Variants in MFHAS1 observed in about 807,000 individuals in gnomAD.
MFHAS1 encodes multifunctional ROCO family signaling regulator 1.
A neutral mutation model predicts 70.4 loss-of-function variants in MFHAS1; 50 were observed. That is an observed-to-expected ratio of 0.71 (90% confidence interval 0.57 to 0.90). The LOEUF is 0.90. Ranked by LOEUF, MFHAS1 falls within the 40% of genes least tolerant of loss-of-function variation. The pLI is 0.00. For missense variants in MFHAS1, 1,795 were observed against 1,347.6 expected, an observed-to-expected ratio of 1.33 and a Z score of -5.20; for synonymous variants, 952 against 620.0, an observed-to-expected ratio of 1.54 and a Z score of -7.96.
chr8:8,828,179 T>C (rs1170126490), intron 1 of MFHAS1, among the ~76,000 whole-genome samples: 1 of 152,216 alleles, frequency 6.6e-6, no homozygotes, highest in East Asian at 1.9e-4. Flanking sequence ...AGGGAACTCG[T>C]CAATCATTTG....
chr8:8,806,584 T>C (rs2117274481), intron 1 of MFHAS1, among the ~76,000 whole-genome samples: 1 of 152,334 alleles, frequency 6.6e-6, no homozygotes, highest in East Asian at 1.9e-4. Context: ...AGATTAACCC[T>C]GACACTATAC....
intron 1 of MFHAS1, among the ~76,000 whole-genome samples, chr8:8,817,931 C>G (rs1806808468): frequency 6.6e-6 from 1 of 152,280 alleles, no homozygotes; most frequent in Admixed American, 6.5e-5. Flanking sequence ...TCACTCCTGC[C>G]CTGCAGCCCA....
At chr8:8,883,672 C>T (rs1809619834) in intron 1 of MFHAS1, among the ~76,000 whole-genome samples, 1 of 127,742 alleles carries the variant, frequency 7.8e-6, no homozygotes, top group South Asian at 2.6e-4. Context: ...AGCGCCACTA[C>T]ACTCCAGCCT....
intron 1 of MFHAS1, among the ~76,000 whole-genome samples, chr8:8,860,371 G>A (rs1456350331): frequency 6.6e-6 from 1 of 152,134 alleles, no homozygotes; most frequent in Non-Finnish European, 1.5e-5. Context: ...TCAGTCCCCT[G>A]TACTTAATTA....
At chr8:8,885,451 C>A (rs1429530674) in intron 1 of MFHAS1, among the ~76,000 whole-genome samples, 1 of 152,192 alleles carries the variant, frequency 6.6e-6, no homozygotes, top group African/African-American at 2.4e-5. Context: ...GCACTTGAAT[C>A]TTGCTGCAGG....
chr8:8,797,405 C>T lies in MFHAS1; in HGVS notation c.3085G>A (p.Val1029Ile), dbSNP rs1177312788. 1 of 1,614,064 alleles carries T rather than the reference C, an allele frequency of 6.2e-7. No homozygotes were observed. Among genetic ancestry groups the T allele is most frequent in the Non-Finnish European group, 8.5e-7 (1 of 1,179,994 alleles). Residue 1029 changes from valine (V) to isoleucine (I), a missense_variant, in exon 2 of 3, where the codon GTT becomes ATT. Val to Ile is a conservative substitution (Grantham distance 29). Transcript: ENST00000276282. The stretch of plus-strand genomic sequence containing the variant: ...ATCACAGTCGGCGTGGGTGGGTAAA[C>T]CAAGGCAACATTTACTCGCTCGCTG... ...NGSERVNVAL[V>I]YPPTPTVISP...
Position 8,850,888 on chromosome 8 carries a change from C to T in MFHAS1, c.2998+39173G>A, listed in dbSNP as rs1423675946. Among the ~76,000 whole-genome samples the T allele has an allele frequency of 5.3e-5, 8 of 151,980 alleles. No homozygotes were observed. The East Asian group carries it at 1.4e-3, about 26-fold the overall frequency. ...ACCCGCTACACACCAATTCATCTAACCCTTCAACACTCACGTAATCTCAGC... is the reference window on the plus strand; with the variant it reads ...ACCCGCTACACACCAATTCATCTAATCCTTCAACACTCACGTAATCTCAGC... On this transcript the variant is annotated intron_variant, in intron 1 of 2. Transcript: ENST00000276282.
intron 1 of MFHAS1, among the ~76,000 whole-genome samples, chr8:8,880,684 GTTT>G (rs869117025): frequency 2.6e-5 from 3 of 114,898 alleles, no homozygotes; most frequent in African/African-American, 1.3e-4. Flanking sequence ...TTCCTTTTTT[GTTT>G]TTTTTTTTTT....
At chr8:8,877,058 G>C (rs1017612434) in intron 1 of MFHAS1, among the ~76,000 whole-genome samples, 1 of 152,114 alleles carries the variant, frequency 6.6e-6, no homozygotes, top group African/African-American at 2.4e-5. Flanking sequence ...CCAGCACTTT[G>C]AGAGGCCAAG....
At chr8:8,817,026 C>T (rs1166750794) in intron 1 of MFHAS1, among the ~76,000 whole-genome samples, 1 of 152,198 alleles carries the variant, frequency 6.6e-6, no homozygotes, top group Non-Finnish European at 1.5e-5. Context: ...GTTCATCCAA[C>T]ACTATCCCCC....
intron 1 of MFHAS1, among the ~76,000 whole-genome samples, chr8:8,871,766 C>G (rs557649392): frequency 2.0e-5 from 3 of 152,312 alleles, no homozygotes; most frequent in South Asian, 2.1e-4. Context: ...ACATCCAAGG[C>G]TCAGATGCAT....
At chr8:8,858,861 C>T (rs1271106770) in intron 1 of MFHAS1, among the ~76,000 whole-genome samples, 1 of 152,098 alleles carries the variant, frequency 6.6e-6, no homozygotes, top group Non-Finnish European at 1.5e-5. Flanking sequence ...GTGAAAATAT[C>T]CGTAACAACA....
intron 1 of MFHAS1, among the ~76,000 whole-genome samples, chr8:8,805,319 T>A (rs903941010): frequency 2.6e-5 from 4 of 152,228 alleles, no homozygotes; most frequent in Admixed American, 1.3e-4. Flanking sequence ...AAAAGCCTAC[T>A]GTTGACTGGA....
In MFHAS1 at chr8:8,875,237, G is replaced by C. The variant is rs76461892; in HGVS notation, c.2998+14824C>G. 7.0e-3 allele frequency among the ~76,000 whole-genome samples: 1,060 copies of C among 152,196 alleles called. 18 individuals are homozygous for C. Among genetic ancestry groups the C allele is most frequent in the African/African-American group, 0.025 (1,022 of 41,516 alleles). On this transcript the variant is annotated intron_variant, in intron 1 of 2. Coordinates refer to ENST00000276282, the MANE Select transcript of MFHAS1 (RefSeq NM_004225.3). ...GGGATTACTGCCCAAATAAAAAAGA[G>C]TTTTTATAAAGAAATACAGTCATCA...
At chr8:8,874,698 T>G (rs1024903525) in intron 1 of MFHAS1, among the ~76,000 whole-genome samples, 1 of 151,430 alleles carries the variant, frequency 6.6e-6, no homozygotes, top group Non-Finnish European at 1.5e-5. Flanking sequence ...CCTCTGTATT[T>G]AGAAAAATGT....
At chr8:8,861,943 C>T (rs1364637893) in intron 1 of MFHAS1, among the ~76,000 whole-genome samples, 1 of 152,220 alleles carries the variant, frequency 6.6e-6, no homozygotes, top group Non-Finnish European at 1.5e-5. Context: ...TTTATCTGTG[C>T]ACCAGACAAG....
intron 1 of MFHAS1, among the ~76,000 whole-genome samples, chr8:8,853,988 C>T (rs73190080): frequency 0.11 from 16,778 of 152,252 alleles, 1,020 homozygotes; most frequent in Middle Eastern, 0.14. Flanking sequence ...CACCAACCAA[C>T]TCCATGAACA....
rs1808421858 is a variant in MFHAS1 at position 8,855,919 on chromosome 8, C to A, written c.2998+34142G>T. 2.0e-5 allele frequency among the ~76,000 whole-genome samples: 3 copies of A among 152,148 alleles called. No individual in the cohort carries two copies. The South Asian group carries it at 6.2e-4, about 32-fold the overall frequency. ...ATTTTCATCTGAAGCAAGTTACTGA[C>A]AAGGTAATGTGAAGGGGGTTATAAA... On this transcript the variant is annotated intron_variant, in intron 1 of 2. Transcript: ENST00000276282.
intron 1 of MFHAS1, among the ~76,000 whole-genome samples, chr8:8,827,610 T>C (rs1268868363): frequency 2.0e-5 from 3 of 152,248 alleles, no homozygotes; most frequent in Admixed American, 1.3e-4. Flanking sequence ...CTTCTTTCCA[T>C]GTGAAAGGAA....
Sources: gnomAD v4.1 joint callset for allele counts (sites outside exome capture counted in the v4.1 genomes callset) on GRCh38, gnomAD v4.1.1 for gene constraint, MANE v1.5 for transcripts, NCBI Gene and HGNC (gene_info 2026-07-23, HGNC 2026-07-21) for gene names.